Variants in COBL observed in about 807,000 individuals in gnomAD.
COBL encodes the protein cordon-bleu WH2 repeat protein.
A neutral mutation model predicts 98.8 loss-of-function variants in COBL; 51 were observed. The ratio of observed to expected loss-of-function variants is 0.52; its 90% confidence interval spans 0.41 to 0.65. The LOEUF (loss-of-function observed/expected upper bound fraction) is 0.65, where lower values mean the gene tolerates loss of function less well. Ranked by LOEUF, COBL falls within the 30% of genes least tolerant of loss-of-function variation. COBL has a pLI of 0.00. For missense variants in COBL, 1,617 were observed against 1,617.5 expected (o/e 1.00, Z 0.01); for synonymous variants, 634 against 651.7 (o/e 0.97, Z 0.41).
chr7:51,159,115 C>A (rs940832859), intron 5 of COBL, among the ~76,000 whole-genome samples: 1 of 152,176 alleles, frequency 6.6e-6, no homozygotes, highest in African/African-American at 2.4e-5. Context: ...GCGTTGCAGG[C>A]TCTCTGCAGC....
chr7:51,192,760 T>A (rs1351804335), intron 3 of COBL, among the ~76,000 whole-genome samples: 1 of 152,224 alleles, frequency 6.6e-6, no homozygotes, highest in Non-Finnish European at 1.5e-5. Context: ...AAAAAAGTTT[T>A]TTTCCCTTTC....
chr7:51,186,934 C>T (rs539735075), intron 4 of COBL, among the ~76,000 whole-genome samples: 3 of 152,284 alleles, frequency 2.0e-5, no homozygotes, highest in East Asian at 3.9e-4. Context: ...CTCGAACACA[C>T]GCAAGTGAGC....
intron 7 of COBL, among the ~76,000 whole-genome samples, chr7:51,052,773 A>T (rs1348124374): frequency 1.3e-5 from 2 of 152,218 alleles, no homozygotes; most frequent in Non-Finnish European, 2.9e-5. Context: ...CAACCTAAGA[A>T]AAATGCCATC....
chr7:51,209,570 C>G (rs1584184932), intron 2 of COBL, among the ~76,000 whole-genome samples: 1 of 152,202 alleles, frequency 6.6e-6, no homozygotes, highest in African/African-American at 2.4e-5. Flanking sequence ...CATGCAGACA[C>G]GACAGTCCAC....
rs1554430507 is a variant in COBL, at chr7:51,209,066, A to AAC, written c.245+10674_245+10675insGT. The stretch of plus-strand genomic sequence containing the variant: ...TCAATTAAAAAAAAAAAAAAAAAAA[A>AAC]AAAAAACATTTGCAAAGCCCTAGGT... On this transcript the variant is annotated intron_variant, in intron 2 of 12. Transcript: ENST00000265136. Among the ~76,000 whole-genome samples the AAC allele has an allele frequency of 4.3e-3, 567 of 131,356 alleles. 20 individuals carry two copies. Among genetic ancestry groups the AAC allele is most frequent in the East Asian group, 0.016 (72 of 4,614 alleles). The allele number at this position is 131,356 out of a possible 152,430, so 86.2% of individuals were successfully genotyped here.
intron 2 of COBL, among the ~76,000 whole-genome samples, chr7:51,208,489 C>A (rs909132873): frequency 2.6e-5 from 4 of 151,316 alleles, no homozygotes; most frequent in Non-Finnish European, 5.9e-5. Flanking sequence ...AGGTGAGGGG[C>A]GCCTCTGCCC....
At chr7:51,106,191 G>A (rs1312134236) in intron 6 of COBL, among the ~76,000 whole-genome samples, 2 of 122,698 alleles carry the variant, frequency 1.6e-5, no homozygotes, top group African/African-American at 3.4e-5. Context: ...GTGACAGAGC[G>A]AGATGTCTCA....
chr7:51,284,516 AC>A (rs1422041984), intron 1 of COBL, among the ~76,000 whole-genome samples: 1 of 151,174 alleles, frequency 6.6e-6, no homozygotes, highest in Non-Finnish European at 1.5e-5. Flanking sequence ...AAAAAAAAAA[AC>A]TTCCTAAGCC....
chr7:51,311,801 T>C (rs1584473468), intron 1 of COBL, among the ~76,000 whole-genome samples: 1 of 152,266 alleles, frequency 6.6e-6, no homozygotes, highest in East Asian at 1.9e-4. Flanking sequence ...TACATCTCTA[T>C]GTAGTAATAT....
At chr7:51,270,661 C>G (rs984619119) in intron 1 of COBL, among the ~76,000 whole-genome samples, 1 of 152,030 alleles carries the variant, frequency 6.6e-6, no homozygotes, top group Non-Finnish European at 1.5e-5. Flanking sequence ...CAGAATATTT[C>G]TAGAGAAAAC....
chr7:51,284,149 A>T (rs1036448958), intron 1 of COBL, among the ~76,000 whole-genome samples: 2 of 150,384 alleles, frequency 1.3e-5, no homozygotes, highest in African/African-American at 4.9e-5. Flanking sequence ...AAAAAAAAAA[A>T]AAAGCACTAG....
chr7:51,173,467 G>A (rs971820979), intron 5 of COBL, among the ~76,000 whole-genome samples: 1 of 152,138 alleles, frequency 6.6e-6, no homozygotes, highest in Non-Finnish European at 1.5e-5. Context: ...ACAGGTGTTG[G>A]CCACCGCTCC....
intron 8 of COBL, among the ~76,000 whole-genome samples, chr7:51,038,237 AG>A (rs1434539601): frequency 6.6e-6 from 1 of 152,214 alleles, no homozygotes; most frequent in Non-Finnish European, 1.5e-5. Flanking sequence ...CTTGGCTCCA[AG>A]GACACCGAAT....
intron 5 of COBL, among the ~76,000 whole-genome samples, chr7:51,162,652 A>G (rs1786930135): frequency 6.6e-6 from 1 of 152,226 alleles, no homozygotes; most frequent in African/African-American, 2.4e-5. Flanking sequence ...ATTTCAGAAC[A>G]TTTCCTATGA....
At chr7:51,200,406 G>T (rs192246070) in intron 2 of COBL, among the ~76,000 whole-genome samples, 1 of 152,308 alleles carries the variant, frequency 6.6e-6, no homozygotes, top group African/African-American at 2.4e-5. Context: ...AAGGCAAGTT[G>T]TCAGAATAAA....
At chr7:51,144,234 T>C (rs1161868326) in intron 5 of COBL, among the ~76,000 whole-genome samples, 2 of 152,120 alleles carry the variant, frequency 1.3e-5, no homozygotes, top group Non-Finnish European at 2.9e-5. Context: ...GACATGTATT[T>C]TACATATATG....
chr7:51,074,951 G>A (rs1792919066), intron 7 of COBL, among the ~76,000 whole-genome samples: 1 of 152,140 alleles, frequency 6.6e-6, no homozygotes, highest in Non-Finnish European at 1.5e-5. Flanking sequence ...CTCATAGAAT[G>A]CTTTCATTAA....
chr7:51,285,528 A>G (rs1167223158), intron 1 of COBL, among the ~76,000 whole-genome samples: 2 of 152,238 alleles, frequency 1.3e-5, no homozygotes, highest in African/African-American at 4.8e-5. Flanking sequence ...ATTTACAAAC[A>G]TCTACCAAAA....
At chr7:51,205,512 A>C (rs1183445478) in intron 2 of COBL, among the ~76,000 whole-genome samples, 1 of 152,090 alleles carries the variant, frequency 6.6e-6, no homozygotes, top group East Asian at 1.9e-4. Flanking sequence ...AGAAAAAAAA[A>C]AACTCAAAAT....
Sources: allele counts gnomAD v4.1 joint callset (sites outside exome capture counted in the v4.1 genomes callset), GRCh38; gene constraint gnomAD v4.1.1; transcripts MANE v1.5; gene names NCBI Gene and HGNC (gene_info 2026-07-23, HGNC 2026-07-21).